Variants in RIPOR3 observed in about 807,000 individuals in gnomAD.
The protein encoded by RIPOR3 is RIPOR family member 3.
In RIPOR3, 95 loss-of-function variants were observed where a neutral mutation model predicts 114.3. That is an observed-to-expected ratio of 0.83 (90% CI 0.70 to 0.99). The LOEUF is 0.99. Among genes scored for constraint, RIPOR3 ranks in the 50% least tolerant of loss-of-function variants. RIPOR3 has a pLI of 0.00. For synonymous variants in RIPOR3, 575 were observed against 543.8 expected (o/e 1.06, Z -0.80); for missense variants, 1,252 against 1,266.9 (o/e 0.99, Z 0.18).
At chr20:50,631,720 A>C (rs143440155) in intron 1 of RIPOR3, among the ~76,000 whole-genome samples, 1 of 152,342 alleles carries the variant, frequency 6.6e-6, no homozygotes, top group East Asian at 1.9e-4. Flanking sequence ...CCCGCCCTGC[A>C]ATGGGGCCAA....
At chr20:50,626,018 C>A (rs906868180) in intron 2 of RIPOR3, among the ~76,000 whole-genome samples, 10 of 152,214 alleles carry the variant, frequency 6.6e-5, no homozygotes, top group African/African-American at 2.4e-4. Context: ...GAAGGGGCAT[C>A]AGCCCACCCT....
In RIPOR3 at chr20:50,650,545, T is replaced by C. The variant is rs187047272; in HGVS notation, c.4-19689A>G. On this transcript the variant is annotated intron_variant, in intron 1 of 21. Transcript: ENST00000327979. ...TCTCAAACTCCTGAGCTTAAGTGAT[T>C]TGCCCACGTTGGCCTCCCAAAGTGT... Among the ~76,000 whole-genome samples, 871 of 152,200 alleles carry C rather than the reference T, an allele frequency of 5.7e-3. 3 individuals are homozygous for C. Among genetic ancestry groups the C allele is most frequent in the Non-Finnish European group, 9.3e-3 (630 of 68,000 alleles).
intron 5 of RIPOR3, 42 bp from the exon 6 acceptor site, chr20:50,610,948 G>A (rs1473463156): frequency 1.2e-6 from 2 of 1,613,670 alleles, no homozygotes; most frequent in African/African-American, 2.7e-5. Context: ...AGTTGCCTGG[G>A]CCACCCACCT....
At chr20:50,646,791 A>G (rs2085414928) in intron 1 of RIPOR3, among the ~76,000 whole-genome samples, 1 of 152,248 alleles carries the variant, frequency 6.6e-6, no homozygotes. Flanking sequence ...AAAATATTCC[A>G]GGCAGACACT....
chr20:50,666,184 T>TTTCTTTTCTTTTC (rs1297431445), intron 1 of RIPOR3, among the ~76,000 whole-genome samples: 14 of 61,086 alleles, frequency 2.3e-4, no homozygotes, highest in African/African-American at 1.1e-3. Context: ...AGGACACCCA[T>TTTCTTTTCTTTTC]TTCTTTTCTT....
At chr20:50,614,916 G>A (rs2123112108) in intron 4 of RIPOR3, 1 of 164,814 alleles carries the variant, frequency 6.1e-6, no homozygotes, top group East Asian at 1.9e-4. Context: ...AAACAGCTGG[G>A]CGTGGTGGCG....
At chr20:50,664,127 A>G (rs2086104410) in intron 1 of RIPOR3, among the ~76,000 whole-genome samples, 1 of 152,080 alleles carries the variant, frequency 6.6e-6, no homozygotes, top group South Asian at 2.1e-4. Context: ...GGGTTTCACC[A>G]TGTTGGTCAG....
intron 1 of RIPOR3, among the ~76,000 whole-genome samples, chr20:50,686,366 G>T (rs1292539209): frequency 1.3e-5 from 2 of 152,042 alleles, no homozygotes; most frequent in Admixed American, 6.6e-5. Context: ...AAGACAACGG[G>T]CTCTTAACAG....
At chr20:50,672,349 C>A (rs2086542352) in intron 1 of RIPOR3, among the ~76,000 whole-genome samples, 1 of 152,136 alleles carries the variant, frequency 6.6e-6, no homozygotes, top group African/African-American at 2.4e-5. Flanking sequence ...GGGTTGGGGC[C>A]CCCTGCTGAG....
At position 50,669,810 on chromosome 20, in the gene RIPOR3, G is replaced by A. The variant is rs115089346; in HGVS notation, c.3+21316C>T. ...GCAGAGGGACCTGCAGAAGGGTCTGGGAGTAGATGGCTCAGGTAGGGGTCA... is the reference window on the plus strand; with the variant it reads ...GCAGAGGGACCTGCAGAAGGGTCTGAGAGTAGATGGCTCAGGTAGGGGTCA... On this transcript the variant is annotated intron_variant, in intron 1 of 21. Coordinates refer to ENST00000327979, the MANE Select transcript of RIPOR3 (RefSeq NM_001290268.2). 9.9e-3 allele frequency among the ~76,000 whole-genome samples: 1,507 copies of A among 152,024 alleles called. 26 individuals are homozygous for A. The highest frequency in any genetic ancestry group is 0.032 in the African/African-American group (1,347 of 41,450).
chr20:50,626,577 C>T (rs566893040), intron 2 of RIPOR3, among the ~76,000 whole-genome samples: 8 of 152,218 alleles, frequency 5.3e-5, no homozygotes, highest in Non-Finnish European at 1.0e-4. Flanking sequence ...GCAGAGCTCC[C>T]CTCTAGGGCC....
Position 50,602,045 on chromosome 20 carries a change from C to A in RIPOR3, c.1659+27G>T. 1 of 1,459,242 alleles carries A rather than the reference C, an allele frequency of 6.9e-7. No homozygotes were observed. The highest frequency in any genetic ancestry group is 9.0e-7 in the Non-Finnish European group (1 of 1,107,338). The allele number at this position is 1,459,242 out of a possible 1,614,324, so 90.4% of individuals were successfully genotyped here. On this transcript the variant is annotated intron_variant, in intron 13 of 21. Coordinates refer to ENST00000327979, the MANE Select transcript of RIPOR3 (RefSeq NM_001290268.2). The surrounding 1 kb of genome is among the most constrained non-coding windows in gnomAD (Gnocchi z 4.3). ...TCATCATGCCATCAGCAAAGCAGGG[C>A]CACCGCCCGGGGCGGGGTGGCCATA... is the stretch of plus-strand genomic sequence containing the variant.
At position 50,630,776 on chromosome 20, in the gene RIPOR3, G is replaced by A; in HGVS notation, c.84C>T (p.Ser28=). ...TCTGTGCACTGCTGAAGCCTGCGAAGGAGGCGCTCCGGCCCACGACCCCCA... is the reference window on the plus strand; with the variant it reads ...TCTGTGCACTGCTGAAGCCTGCGAAAGAGGCGCTCCGGCCCACGACCCCCA... The part of the protein sequence containing the change: ...GAVGVVGRSA[S]FAGFSSAQSR... The change falls in exon 2 of 22, where the codon TCC becomes TCT. Residue 28 remains serine, a synonymous_variant. Transcript: ENST00000327979. 6.2e-7 allele frequency: 1 copy of A among 1,612,538 alleles called. No individual in the cohort carries two copies. Among genetic ancestry groups the A allele is most frequent in the Non-Finnish European group, 8.5e-7 (1 of 1,179,676 alleles).
intron 17 of RIPOR3, among the ~76,000 whole-genome samples, chr20:50,594,331 G>C (rs1034511103): frequency 1.3e-5 from 2 of 151,832 alleles, no homozygotes; most frequent in Admixed American, 6.6e-5. Context: ...GCAGCTTCAG[G>C]GCTCCACAGA....
chr20:50,636,074 G>T (rs1357761315), intron 1 of RIPOR3, among the ~76,000 whole-genome samples: 1 of 152,212 alleles, frequency 6.6e-6, no homozygotes, highest in Non-Finnish European at 1.5e-5. Context: ...GCTCAGCTGC[G>T]CCCCCTCCCG....
chr20:50,673,736 G>A (rs991445259), intron 1 of RIPOR3, among the ~76,000 whole-genome samples: 5 of 152,150 alleles, frequency 3.3e-5, no homozygotes, highest in Non-Finnish European at 4.4e-5. Flanking sequence ...GCCTCACCAC[G>A]CCTCCATGCT....
chr20:50,668,143 G>T (rs1014821208), intron 1 of RIPOR3, among the ~76,000 whole-genome samples: 1 of 152,104 alleles, frequency 6.6e-6, no homozygotes, highest in Non-Finnish European at 1.5e-5. Flanking sequence ...TGCCAGTCCC[G>T]GGAGAACTGT....
chr20:50,606,482 C>T (rs2083720448), intron 11 of RIPOR3, among the ~76,000 whole-genome samples: 1 of 152,218 alleles, frequency 6.6e-6, no homozygotes. Flanking sequence ...AGCCCTCCTG[C>T]CTCCAACCAT....
intron 3 of RIPOR3, 108 bp from the exon 4 acceptor site, chr20:50,616,188 CG>C: frequency 8.8e-7 from 1 of 1,130,884 alleles, no homozygotes; most frequent in Admixed American, 2.1e-5. Context: ...CGGGGCTCAG[CG>C]GGGCTCAGAG....
Sources: allele counts gnomAD v4.1 joint callset (sites outside exome capture counted in the v4.1 genomes callset), GRCh38; gene constraint gnomAD v4.1.1; non-coding constraint Gnocchi (gnomAD v3.1); transcripts MANE v1.5; gene names NCBI Gene and HGNC (gene_info 2026-07-23, HGNC 2026-07-21).